ANKRD12: variants seen among roughly 807,000 people sequenced by gnomAD.
The protein encoded by ANKRD12 is ankyrin repeat domain 12.
A neutral mutation model predicts 183.4 loss-of-function variants in ANKRD12; 85 were observed. The observed-to-expected ratio is 0.46, with a 90% CI of 0.39 to 0.56. ANKRD12 has a LOEUF of 0.56. Among genes scored for constraint, ANKRD12 ranks in the 20% least tolerant of loss-of-function variants. The pLI is 0.00. For synonymous variants in ANKRD12, 914 were observed against 800.2 expected (o/e 1.14, Z -2.40); for missense variants, 2,405 against 2,357.1 (o/e 1.02, Z -0.42).
At chr18:9,187,626 A>G (rs1322878342) in intron 2 of ANKRD12, among the ~76,000 whole-genome samples, 1 of 152,230 alleles carries the variant, frequency 6.6e-6, no homozygotes, top group Non-Finnish European at 1.5e-5. Context: ...ATATTAAAAT[A>G]GTTAGGATTT....
At chr18:9,168,826 A>T (rs1040335069) in intron 1 of ANKRD12, among the ~76,000 whole-genome samples, 1 of 151,598 alleles carries the variant, frequency 6.6e-6, no homozygotes, top group Non-Finnish European at 1.5e-5. Flanking sequence ...TGTCAATTTT[A>T]GATCTTTCCT....
chr18:9,225,638 A>G (rs1355891107), intron 8 of ANKRD12, among the ~76,000 whole-genome samples: 1 of 152,184 alleles, frequency 6.6e-6, no homozygotes, highest in Non-Finnish European at 1.5e-5. Context: ...CCTTTTAGCC[A>G]CTAATGATCT....
chr18:9,157,908 T>C (rs1449552114), intron 1 of ANKRD12, among the ~76,000 whole-genome samples: 1 of 152,080 alleles, frequency 6.6e-6, no homozygotes, highest in Non-Finnish European at 1.5e-5. Flanking sequence ...TTTTTAATCA[T>C]GAGAAGTCAA....
intron 8 of ANKRD12, among the ~76,000 whole-genome samples, chr18:9,229,897 C>A (rs1176602370): frequency 6.6e-6 from 1 of 152,044 alleles, no homozygotes; most frequent in Non-Finnish European, 1.5e-5. Context: ...ATTTTTACAT[C>A]TTTTCATCAG....
chr18:9,271,531 A>AT (rs1216640789), intron 10 of ANKRD12, among the ~76,000 whole-genome samples: 5 of 151,300 alleles, frequency 3.3e-5, no homozygotes, highest in African/African-American at 1.2e-4. Flanking sequence ...AAAAAAAAAA[A>AT]TTTTTTTATA....
chr18:9,231,990 T>G (rs759252235), intron 8 of ANKRD12, among the ~76,000 whole-genome samples: 2 of 152,238 alleles, frequency 1.3e-5, no homozygotes, highest in Admixed American at 6.5e-5. Context: ...TCATGTTTTT[T>G]TACCCATTCA....
intron 8 of ANKRD12, 71 bp from the exon 9 acceptor site, chr18:9,254,138 CAG>C (rs1263299863): frequency 7.0e-7 from 1 of 1,431,872 alleles, no homozygotes; most frequent in Admixed American, 2.7e-5. Flanking sequence ...ATCTTTTTCT[CAG>C]AAAAAAAAAT....
intron 1 of ANKRD12, among the ~76,000 whole-genome samples, chr18:9,155,064 A>T (rs1438136175): frequency 2.0e-5 from 3 of 152,244 alleles, no homozygotes; most frequent in Non-Finnish European, 4.4e-5. Context: ...TAGTGAATAA[A>T]AATAGACCTA....
intron 1 of ANKRD12, among the ~76,000 whole-genome samples, chr18:9,146,624 A>G (rs1455413487): frequency 6.6e-6 from 1 of 152,324 alleles, no homozygotes; most frequent in Non-Finnish European, 1.5e-5. Context: ...TCTTTCAGCT[A>G]TTAGAATACA....
rs2040183502 is a variant in ANKRD12, at chr18:9,284,680, CCA to C, written c.*3557_*3558del. 1 of 151,632 alleles carries C rather than the reference CCA, an allele frequency of 6.6e-6. No homozygotes were observed. The highest frequency in any genetic ancestry group is 2.4e-5 in the African/African-American group (1 of 41,262). 9.4% of individuals were successfully genotyped at this position (151,632 alleles called of 1,614,324 possible). ...TAAAATGGAGTTTTTTTTTAAGCCT[CCA>C]CAGAGATAGTCACCCAAAGTATTTC... On this transcript the variant is annotated 3_prime_UTR_variant, in exon 13 of 13. Coordinates refer to ENST00000262126, the MANE Select transcript of ANKRD12 (RefSeq NM_015208.5).
chr18:9,184,775 C>A (rs543529748), intron 2 of ANKRD12, among the ~76,000 whole-genome samples: 1 of 152,286 alleles, frequency 6.6e-6, no homozygotes, highest in East Asian at 1.9e-4. Flanking sequence ...GTTGTATGGT[C>A]ACAACCACAA....
At chr18:9,236,412 A>G (rs1400540315) in intron 8 of ANKRD12, among the ~76,000 whole-genome samples, 1 of 55,154 alleles carries the variant, frequency 1.8e-5, no homozygotes. Context: ...AGCTTCAACA[A>G]CAACAAAAAA....
At chr18:9,206,866 AGTT>A (rs2035518281) in intron 4 of ANKRD12, among the ~76,000 whole-genome samples, 1 of 151,488 alleles carries the variant, frequency 6.6e-6, no homozygotes, top group Non-Finnish European at 1.5e-5. Flanking sequence ...CAAAAAAGGC[AGTT>A]GTTTTACAAA....
At chr18:9,201,822 T>C (rs1871860974) in intron 3 of ANKRD12, among the ~76,000 whole-genome samples, 1 of 146,334 alleles carries the variant, frequency 6.8e-6, no homozygotes, top group African/African-American at 2.4e-5. Context: ...TACTAGTTTT[T>C]TTCGCTTTTT....
At chr18:9,202,117 C>T (rs1487413152) in intron 3 of ANKRD12, among the ~76,000 whole-genome samples, 1 of 152,146 alleles carries the variant, frequency 6.6e-6, no homozygotes, top group Non-Finnish European at 1.5e-5. Flanking sequence ...TGAGCAACCG[C>T]GCCCAGCCTT....
chr18:9,257,407 G>A lies in ANKRD12; in HGVS notation c.4140G>A (p.Lys1380=), dbSNP rs762955445. 26 of 1,613,992 alleles carry A rather than the reference G, an allele frequency of 1.6e-5. No homozygotes were observed. The African/African-American group carries it at 2.9e-4, about 18-fold the overall frequency. ...ATSPTGASNS[K]YVSADRNLIK... ...CTCCAACTGGAGCTTCAAACAGCAA[G>A]TATGTTTCAGCTGATAGAAATCTCA... Residue 1380 remains lysine (K), a synonymous_variant, in exon 9 of 13, where the codon AAG becomes AAA. Coordinates refer to ENST00000262126, the MANE Select transcript of ANKRD12 (RefSeq NM_015208.5).
At chr18:9,215,375 GAC>G (rs1341656005) in intron 6 of ANKRD12, among the ~76,000 whole-genome samples, 1 of 152,024 alleles carries the variant, frequency 6.6e-6, no homozygotes, top group African/African-American at 2.4e-5. Context: ...AGAAGGCCTG[GAC>G]AATGAGAACT....
Position 9,256,650 on chromosome 18 carries a change from A to C in ANKRD12, c.3383A>C (p.His1128Pro), listed in dbSNP as rs1382163853. 6.2e-7 allele frequency: 1 copy of C among 1,608,680 alleles called. No individual in the cohort carries two copies. Among genetic ancestry groups the C allele is most frequent in the African/African-American group, 1.3e-5 (1 of 74,496 alleles). Residue 1128 changes from histidine to proline, a missense_variant, in exon 9 of 13, where the codon CAT (histidine) becomes CCT (proline). Physicochemically the swap from His to Pro is moderately conservative, Grantham distance 77 (BLOSUM62 -2). This residue lies in a region of ANKRD12 where 1,983 missense variants were observed against 1,725.9 expected (regional missense o/e 1.15). Coordinates refer to ENST00000262126, the MANE Select transcript of ANKRD12 (RefSeq NM_015208.5). ...LKIKDKEKTK[H>P]TPTESKNKEL... ...ATAAAAGATAAAGAAAAAACAAAGCATACACCAACTGAATCCAAAAATAAA... is the reference window on the plus strand; with the variant it reads ...ATAAAAGATAAAGAAAAAACAAAGCCTACACCAACTGAATCCAAAAATAAA...
intron 10 of ANKRD12, 51 bp downstream of exon 10, chr18:9,263,939 A>G: frequency 8.0e-7 from 1 of 1,242,988 alleles, no homozygotes; most frequent in Non-Finnish European, 1.1e-6. Context: ...GGTTTCTAGC[A>G]ATAAATTAAA....
Sources: gnomAD v4.1 joint callset for allele counts (sites outside exome capture counted in the v4.1 genomes callset) on GRCh38, gnomAD v4.1.1 for gene constraint, gnomAD v4.1.1 regional missense constraint, MANE v1.5 for transcripts, NCBI Gene and HGNC (gene_info 2026-07-23, HGNC 2026-07-21) for gene names.